Variants in EXD3 observed in about 807,000 individuals in gnomAD.
EXD3 encodes exonuclease 3'-5' domain containing 3, also known as exonuclease mut-7 homolog.
Under a neutral mutation model 98.0 loss-of-function variants are expected in EXD3, and 92 were observed. The observed-to-expected ratio is 0.94, with a 90% confidence interval of 0.79 to 1.12. EXD3 has a LOEUF of 1.12. Ranked by LOEUF, EXD3 falls within the 50% of genes most tolerant of loss-of-function variation. The pLI, the probability that EXD3 is intolerant of heterozygous loss-of-function variation, is 0.00. For synonymous variants in EXD3, 569 were observed against 526.0 expected (o/e 1.08, Z -1.12); for missense variants, 1,222 against 1,191.6 (o/e 1.03, Z -0.38).
chr9:137,383,117 G>A (rs1302142547), intron 3 of EXD3, among the ~76,000 whole-genome samples, 196 bp downstream of exon 3: 1 of 152,200 alleles, frequency 6.6e-6, no homozygotes, highest in Admixed American at 6.5e-5. Context: ...CCACCCTGGG[G>A]ACTTGAGGAG....
At chr9:137,389,454 T>G (rs768322767) in intron 2 of EXD3, among the ~76,000 whole-genome samples, 1 of 152,132 alleles carries the variant, frequency 6.6e-6, no homozygotes, top group African/African-American at 2.4e-5. Flanking sequence ...CCGAGGGCCT[T>G]GGAGACAGAA....
chr9:137,346,876 C>T (rs902842419), intron 17 of EXD3, among the ~76,000 whole-genome samples: 10 of 151,690 alleles, frequency 6.6e-5, no homozygotes, highest in South Asian at 2.1e-4. Flanking sequence ...TGCAGTGGTG[C>T]GATCTCCACT....
chr9:137,403,669 C>G lies in EXD3; in HGVS notation c.-47-8265G>C, dbSNP rs1217010429. ...TTAATTGGCCTTGGGGGAGATGGAC[C>G]AGCAGGCCCGAGATCCAGGGTCTTA... On this transcript the variant is annotated intron_variant, in intron 1 of 21. Transcript: ENST00000340951. This position sits in a 1 kb window ranked among gnomAD's most constrained non-coding sequence, Gnocchi z 6.1. Among the ~76,000 whole-genome samples the G allele has an allele frequency of 6.6e-6, 1 of 152,148 alleles. No homozygotes were observed. Among genetic ancestry groups the G allele is most frequent in the Non-Finnish European group, 1.5e-5 (1 of 68,036 alleles).
At chr9:137,313,138 G>A (rs914405308) in intron 19 of EXD3, among the ~76,000 whole-genome samples, 39 of 152,156 alleles carry the variant, frequency 2.6e-4, no homozygotes, top group Admixed American at 2.4e-3. Flanking sequence ...TCGACAAGTC[G>A]GAGGCTTGAG....
chr9:137,403,005 G>A lies in EXD3; in HGVS notation c.-47-7601C>T, dbSNP rs553767585. Among the ~76,000 whole-genome samples the A allele has an allele frequency of 7.9e-5, 12 of 152,170 alleles. No individual in the cohort carries two copies. Among genetic ancestry groups the A allele is most frequent in the Admixed American group, 7.9e-4 (12 of 15,274 alleles). ...CCCCAGGATTCAATTACTGCCCCCT[G>A]GGTCCCTCCCACAACAGGTGGGAAT... On this transcript the variant is annotated intron_variant, in intron 1 of 21. Coordinates refer to ENST00000340951, the MANE Select transcript of EXD3 (RefSeq NM_017820.5). This position sits in a 1 kb window ranked among gnomAD's most constrained non-coding sequence, Gnocchi z 6.1.
chr9:137,326,531 G>GA (rs1279536694), intron 17 of EXD3, among the ~76,000 whole-genome samples: 1 of 151,220 alleles, frequency 6.6e-6, no homozygotes, highest in Non-Finnish European at 1.5e-5. Context: ...ATCTCAAAAA[G>GA]AAAAAAAACA....
chr9:137,392,617 G>A lies in EXD3; in HGVS notation c.55+2686C>T, dbSNP rs898451757. ...GCTGGACACGAACCATGTAAGGGCA[G>A]ATGCCTAAAGCAGCACAGAAAGGAT... On this transcript the variant is annotated intron_variant, in intron 2 of 21. Transcript: ENST00000340951. The A allele has an allele frequency of 3.7e-5, 11 of 295,582 alleles. No individual in the cohort carries two copies. In the East Asian group the frequency reaches 6.8e-4, roughly 18 times the overall value. The allele number at this position is 295,582 out of a possible 1,614,324, so 18.3% of individuals were successfully genotyped here.
chr9:137,337,818 T>C (rs371140310), intron 17 of EXD3, among the ~76,000 whole-genome samples: 5 of 151,054 alleles, frequency 3.3e-5, no homozygotes, highest in Non-Finnish European at 7.4e-5. Context: ...GATGGAGTCT[T>C]GCTCTGTTGC....
intron 1 of EXD3, among the ~76,000 whole-genome samples, chr9:137,417,581 C>T (rs1838296579): frequency 1.3e-5 from 2 of 152,200 alleles, no homozygotes; most frequent in African/African-American, 4.8e-5. Flanking sequence ...ACCAGCAACG[C>T]GCGTCCGCAC....
chr9:137,341,673 C>T (rs1179335553), intron 17 of EXD3, among the ~76,000 whole-genome samples: 3 of 61,512 alleles, frequency 4.9e-5, no homozygotes, highest in Non-Finnish European at 9.8e-5. Context: ...TCAGAGGAAA[C>T]GGGGCTCAGG....
intron 17 of EXD3, among the ~76,000 whole-genome samples, chr9:137,327,839 G>A (rs990159666): frequency 6.9e-6 from 1 of 145,908 alleles, no homozygotes; most frequent in Non-Finnish European, 1.5e-5. Context: ...CATATGATGA[G>A]TAAAAACAAC....
At chr9:137,308,606 G>A (rs796161952) in intron 20 of EXD3, among the ~76,000 whole-genome samples, 2 of 150,528 alleles carry the variant, frequency 1.3e-5, no homozygotes, top group East Asian at 2.0e-4. Flanking sequence ...GTCGCTCCCC[G>A]TCCTCCCACC....
At chr9:137,422,363 G>A (rs1229380730) in intron 1 of EXD3, among the ~76,000 whole-genome samples, 1 of 152,142 alleles carries the variant, frequency 6.6e-6, no homozygotes, top group African/African-American at 2.4e-5. Flanking sequence ...TTAAGTGCCA[G>A]AAAGCATTTC....
intron 8 of EXD3, among the ~76,000 whole-genome samples, chr9:137,355,012 T>A (rs1564507239): frequency 6.6e-6 from 1 of 152,120 alleles, no homozygotes; most frequent in East Asian, 1.9e-4. Context: ...CCCTTTCGTC[T>A]GGCCTCCCTC....
At chr9:137,382,864 T>C (rs1311805761) in intron 3 of EXD3, among the ~76,000 whole-genome samples, 3 of 152,142 alleles carry the variant, frequency 2.0e-5, no homozygotes, top group Non-Finnish European at 4.4e-5. Context: ...GCCCTCCCTC[T>C]GTAGCCTCTC....
chr9:137,364,267 G>T (rs892605079), intron 7 of EXD3, among the ~76,000 whole-genome samples: 2 of 152,094 alleles, frequency 1.3e-5, no homozygotes, highest in African/African-American at 4.8e-5. Flanking sequence ...CATGCTCATG[G>T]CTATGGGGTA....
chr9:137,362,329 C>T (rs566186914), intron 7 of EXD3, among the ~76,000 whole-genome samples: 1 of 152,190 alleles, frequency 6.6e-6, no homozygotes, highest in African/African-American at 2.4e-5. Flanking sequence ...TGCAGTCCAT[C>T]CCAAAAATGT....
At position 137,349,637 on chromosome 9, in the gene EXD3, C is replaced by T; in HGVS notation, c.1495-106G>A. On this transcript the variant is annotated intron_variant, in intron 14 of 21. Transcript: ENST00000340951. The surrounding 1 kb of genome is among the most constrained non-coding windows in gnomAD (Gnocchi z 7.4). ...CGGGGGCTCTGGAGGAGGCCCCGCC[C>T]CCTCCACCAGCGGCCCCCACAGCAG... 2 of 1,204,266 alleles carry T rather than the reference C, an allele frequency of 1.7e-6. No individual in the cohort carries two copies. Among genetic ancestry groups the T allele is most frequent in the Non-Finnish European group, 2.2e-6 (2 of 903,600 alleles). The allele number at this position is 1,204,266 out of a possible 1,614,324, so 74.6% of individuals were successfully genotyped here.
chr9:137,324,056 T>G lies in EXD3; in HGVS notation c.2052+34A>C. 1.3e-6 allele frequency: 2 copies of G among 1,568,076 alleles called. No individual in the cohort carries two copies. Among genetic ancestry groups the G allele is most frequent in the Non-Finnish European group, 1.7e-6 (2 of 1,156,710 alleles). On this transcript the variant is annotated intron_variant, in intron 18 of 21. Coordinates refer to ENST00000340951, the MANE Select transcript of EXD3 (RefSeq NM_017820.5). The surrounding 1 kb of genome is among the most constrained non-coding windows in gnomAD (Gnocchi z 4.1). ...GGCTGGGGGCTTGGGAAGATGGGGC[T>G]CAGGCCCACTGAGCTTATCTTTGGG...
Sources: allele counts gnomAD v4.1 joint callset (sites outside exome capture counted in the v4.1 genomes callset), GRCh38; gene constraint gnomAD v4.1.1; non-coding constraint Gnocchi (gnomAD v3.1); transcripts MANE v1.5; gene names NCBI Gene and HGNC (gene_info 2026-07-23, HGNC 2026-07-21).